The following ADAM12 variants were observed in gnomAD, a reference collection of about 807,000 sequenced individuals.
The protein encoded by ADAM12 is disintegrin and metalloproteinase domain-containing protein 12.
ADAM12 carries 70 observed loss-of-function variants against 106.4 expected under a neutral mutation model. That is an observed-to-expected ratio of 0.66 (90% CI 0.54 to 0.80). The LOEUF (loss-of-function observed/expected upper bound fraction) is 0.80. ADAM12 is among the 30% of genes least tolerant of loss of function. The pLI, the probability that ADAM12 is intolerant of heterozygous loss-of-function variation, is 0.00. For missense variants in ADAM12, 1,010 were observed against 1,171.9 expected, an observed-to-expected ratio of 0.86 and a Z score of 2.02; for synonymous variants, 420 against 433.5, an observed-to-expected ratio of 0.97 and a Z score of 0.39.
chr10:126,215,679 G>A (rs1366934654), intron 3 of ADAM12, among the ~76,000 whole-genome samples: 2 of 152,274 alleles, frequency 1.3e-5, no homozygotes, highest in Admixed American at 6.5e-5. Context: ...AACTCAATGA[G>A]GAAGACAAAG....
intron 3 of ADAM12, among the ~76,000 whole-genome samples, chr10:126,237,072 C>A (rs530587722): frequency 1.1e-4 from 17 of 152,234 alleles, no homozygotes; most frequent in Non-Finnish European, 1.5e-4. Flanking sequence ...CCCCTCCCCC[C>A]ATTTCCCCAG....
chr10:126,384,479 C>T (rs976486791), intron 1 of ADAM12, among the ~76,000 whole-genome samples: 5 of 152,000 alleles, frequency 3.3e-5, no homozygotes, highest in Non-Finnish European at 4.4e-5. Context: ...GAATTCTTAG[C>T]GTCTTGGTAA....
At chr10:126,116,812 A>T (rs1304298918) in intron 6 of ADAM12, among the ~76,000 whole-genome samples, 2 of 152,200 alleles carry the variant, frequency 1.3e-5, no homozygotes, top group Non-Finnish European at 2.9e-5. Context: ...AGGGGAACAG[A>T]CATCTATCCA....
chr10:126,246,557 C>T (rs1958634395), intron 3 of ADAM12, among the ~76,000 whole-genome samples: 2 of 152,200 alleles, frequency 1.3e-5, no homozygotes, highest in African/African-American at 4.8e-5. Context: ...GGCTTCATCC[C>T]TGGGATGCAA....
chr10:126,369,120 A>ATC (rs1856019284), intron 1 of ADAM12, among the ~76,000 whole-genome samples: 1 of 152,000 alleles, frequency 6.6e-6, no homozygotes, highest in Admixed American at 6.6e-5. Context: ...GATACATGGT[A>ATC]TTTTTTTTCA....
At chr10:126,274,044 C>A (rs1590717261) in intron 3 of ADAM12, among the ~76,000 whole-genome samples, 1 of 152,194 alleles carries the variant, frequency 6.6e-6, no homozygotes, top group Admixed American at 6.5e-5. Context: ...TCTCACCCCA[C>A]CCAAGTGACC....
intron 1 of ADAM12, among the ~76,000 whole-genome samples, chr10:126,348,814 T>A (rs1189258339): frequency 6.6e-6 from 1 of 152,212 alleles, no homozygotes; most frequent in Non-Finnish European, 1.5e-5. Flanking sequence ...TCCAGTTGAA[T>A]CTAATTTCAG....
chr10:126,232,906 G>C (rs915625152), intron 3 of ADAM12, among the ~76,000 whole-genome samples: 1 of 152,188 alleles, frequency 6.6e-6, no homozygotes, highest in African/African-American at 2.4e-5. Flanking sequence ...GGAGTGAGTA[G>C]GTAGGTGGGG....
At chr10:126,042,667 G>T (rs751049076) in intron 18 of ADAM12, among the ~76,000 whole-genome samples, 17 of 152,142 alleles carry the variant, frequency 1.1e-4, no homozygotes, top group Non-Finnish European at 1.8e-4. Context: ...TTTTTAAAAG[G>T]CATTAAACTT....
chr10:126,081,738 A>C (rs184942597), intron 11 of ADAM12, among the ~76,000 whole-genome samples: 1 of 152,334 alleles, frequency 6.6e-6, no homozygotes, highest in Admixed American at 6.5e-5. Context: ...AAAAAGATCA[A>C]AGTCTGGTTA....
Position 126,066,487 on chromosome 10 carries a change from C to T in ADAM12, c.1413+230G>A, listed in dbSNP as rs1954871370. The stretch of plus-strand genomic sequence containing the variant: ...TTTATCGGTCTGATCAGTTGTCAGC[C>T]CCTAAATAAATAAACACAAGTGACT... On this transcript the variant is annotated intron_variant, in intron 13 of 22. Transcript: ENST00000448723. The surrounding 1 kb of genome is among the most constrained non-coding windows in gnomAD (Gnocchi z 5.1). 6.6e-6 allele frequency among the ~76,000 whole-genome samples: 1 copy of T among 152,148 alleles called. No homozygotes were observed. The highest frequency in any genetic ancestry group is 2.4e-5 in the African/African-American group (1 of 41,430).
intron 4 of ADAM12, among the ~76,000 whole-genome samples, chr10:126,154,135 C>T (rs1398708837): frequency 6.6e-6 from 1 of 152,172 alleles, no homozygotes; most frequent in African/African-American, 2.4e-5. Context: ...AAGCACCAGG[C>T]CCTCTTTCTG....
chr10:126,141,790 C>T (rs934482083), intron 4 of ADAM12, among the ~76,000 whole-genome samples: 4 of 152,154 alleles, frequency 2.6e-5, no homozygotes, highest in African/African-American at 9.7e-5. Flanking sequence ...AGGGAGTATA[C>T]CAAATGAAAA....
At chr10:126,215,988 C>T (rs1247687073) in intron 3 of ADAM12, among the ~76,000 whole-genome samples, 2 of 152,180 alleles carry the variant, frequency 1.3e-5, no homozygotes, top group Non-Finnish European at 2.9e-5. Context: ...TGAACCCACC[C>T]CAGGGAGGCA....
At chr10:126,048,243 C>T (rs1014684460) in intron 16 of ADAM12, among the ~76,000 whole-genome samples, 11 of 152,136 alleles carry the variant, frequency 7.2e-5, no homozygotes, top group Non-Finnish European at 1.6e-4. Flanking sequence ...GCCCCCATGA[C>T]ACAAGTTTAC....
chr10:126,123,983 A>G (rs192362912), intron 5 of ADAM12, among the ~76,000 whole-genome samples: 16 of 152,310 alleles, frequency 1.1e-4, no homozygotes, highest in Middle Eastern at 3.4e-3. Flanking sequence ...GACACTCAAG[A>G]GACCTATATT....
chr10:126,373,502 G>A (rs188702110), intron 1 of ADAM12, among the ~76,000 whole-genome samples: 6 of 152,268 alleles, frequency 3.9e-5, no homozygotes, highest in African/African-American at 1.2e-4. Flanking sequence ...GCTGCCAAGC[G>A]GGTTCAACTT....
chr10:126,052,509 A>G (rs1954529296), intron 14 of ADAM12, among the ~76,000 whole-genome samples: 1 of 152,230 alleles, frequency 6.6e-6, no homozygotes, highest in South Asian at 2.1e-4. Context: ...CAATTCAAGT[A>G]TGTCAGTTGA....
intron 3 of ADAM12, among the ~76,000 whole-genome samples, chr10:126,163,207 G>A (rs1024951487): frequency 6.6e-6 from 1 of 152,138 alleles, no homozygotes; most frequent in Non-Finnish European, 1.5e-5. Context: ...CAAGTCTCAG[G>A]TATTTCTTCA....
Sources: allele counts gnomAD v4.1 joint callset (sites outside exome capture counted in the v4.1 genomes callset), GRCh38; gene constraint gnomAD v4.1.1; non-coding constraint Gnocchi (gnomAD v3.1); transcripts MANE v1.5; gene names NCBI Gene and HGNC (gene_info 2026-07-23, HGNC 2026-07-21).